Variants in XKR9 observed in about 807,000 individuals in gnomAD.
XKR9 encodes XK related 9.
XKR9 carries 32 observed loss-of-function variants against 32.0 expected under a neutral mutation model. The observed-to-expected ratio is 1.00, with a 90% CI of 0.76 to 1.34. The LOEUF is 1.34. XKR9 is among the 40% of genes most tolerant of loss of function. The pLI is 0.00. For missense variants in XKR9, 546 were observed against 429.7 expected (o/e 1.27, Z -2.39); for synonymous variants, 168 against 143.4 (o/e 1.17, Z -1.22).
chr8:70,936,879 ATATGT>A, the XKR9 span, among the ~76,000 whole-genome samples: 12 of 151,972 alleles, frequency 7.9e-5, no homozygotes, highest in African/African-American at 2.4e-4. Flanking sequence ...TTTTTCTTTG[ATATGT>A]TATGTTTTTT....
At chr8:70,704,230 TAA>T (rs1271279746) in intron 3 of XKR9, among the ~76,000 whole-genome samples, 4 of 151,996 alleles carry the variant, frequency 2.6e-5, no homozygotes. Context: ...AATAAATAAA[TAA>T]GTGAAACTGT....
At chr8:70,903,919 G>A in the XKR9 span, among the ~76,000 whole-genome samples, 2 of 152,202 alleles carry the variant, frequency 1.3e-5, no homozygotes, top group Admixed American at 1.3e-4. Flanking sequence ...TCAGTAGCAG[G>A]TTGTTCAGTT....
the XKR9 span, among the ~76,000 whole-genome samples, chr8:70,816,785 G>C: frequency 6.6e-6 from 1 of 152,100 alleles, no homozygotes; most frequent in East Asian, 1.9e-4. Context: ...TGATTGAATA[G>C]GCTTCATTCC....
the XKR9 span, among the ~76,000 whole-genome samples, chr8:70,816,501 A>G: frequency 2.6e-5 from 4 of 152,232 alleles, no homozygotes; most frequent in Non-Finnish European, 4.4e-5. Context: ...GTGTTCATCA[A>G]TGCAAGATTG....
At chr8:71,005,393 G>T in the XKR9 span, among the ~76,000 whole-genome samples, 1 of 151,096 alleles carries the variant, frequency 6.6e-6, no homozygotes, top group African/African-American at 2.4e-5. Flanking sequence ...CAGCTAATTT[G>T]TTGTATTTTT....
At chr8:70,897,670 A>G in the XKR9 span, among the ~76,000 whole-genome samples, 1 of 152,152 alleles carries the variant, frequency 6.6e-6, no homozygotes. Flanking sequence ...TGCCATTTGT[A>G]TATCTCTTTT....
chr8:70,711,221 T>C (rs1339750584), intron 4 of XKR9, among the ~76,000 whole-genome samples: 1 of 152,202 alleles, frequency 6.6e-6, no homozygotes, highest in Admixed American at 6.5e-5. Flanking sequence ...GTTTAGAGAT[T>C]TCTTAAAGAG....
At chr8:70,929,664 C>T in the XKR9 span, among the ~76,000 whole-genome samples, 1 of 152,190 alleles carries the variant, frequency 6.6e-6, no homozygotes. Flanking sequence ...TTGCTCTCAG[C>T]ATCTAGAGGC....
At chr8:70,690,588 A>G (rs892869312) in intron 3 of XKR9, among the ~76,000 whole-genome samples, 3 of 151,616 alleles carry the variant, frequency 2.0e-5, no homozygotes, top group Non-Finnish European at 2.9e-5. Flanking sequence ...AGCTCAGGCA[A>G]TCAGCCCACC....
chr8:71,026,042 T>G, the XKR9 span, among the ~76,000 whole-genome samples: 1 of 152,202 alleles, frequency 6.6e-6, no homozygotes, highest in Non-Finnish European at 1.5e-5. Flanking sequence ...TGACTTCATT[T>G]CTATTCACAC....
the XKR9 span, among the ~76,000 whole-genome samples, chr8:70,818,201 T>A: frequency 1.3e-4 from 20 of 152,042 alleles, no homozygotes; most frequent in African/African-American, 3.1e-4. Flanking sequence ...TATTTATTTT[T>A]TTTTTTGGTG....
chr8:70,967,065 C>CTTTTTTTTTTTTTT, the XKR9 span, among the ~76,000 whole-genome samples: 147 of 101,250 alleles, frequency 1.5e-3, 30 homozygotes, highest in African/African-American at 4.6e-3. Flanking sequence ...GATCTTGACT[C>CTTTTTTTTTTTTTT]TTTTTTTTTT....
intron 3 of XKR9, among the ~76,000 whole-genome samples, chr8:70,701,075 C>T (rs555881372): frequency 1.3e-5 from 2 of 152,286 alleles, no homozygotes; most frequent in South Asian, 4.1e-4. Context: ...CCCGATTTTC[C>T]AGGTGCCGTC....
At chr8:70,776,939 C>CTA (rs1472403970) in intron 2 of XKR9, among the ~76,000 whole-genome samples, 1 of 31,118 alleles carries the variant, frequency 3.2e-5, no homozygotes, top group Non-Finnish European at 6.4e-5. Flanking sequence ...CTCTCTCTCT[C>CTA]TCTCTCTCTA....
At chr8:70,756,908 C>A (rs931530984) in intron 2 of XKR9, among the ~76,000 whole-genome samples, 1 of 152,076 alleles carries the variant, frequency 6.6e-6, no homozygotes, top group Non-Finnish European at 1.5e-5. Context: ...GGGTGGACAT[C>A]CCTGTCTTGT....
the XKR9 span, among the ~76,000 whole-genome samples, chr8:70,853,356 T>A: frequency 6.6e-6 from 1 of 152,036 alleles, no homozygotes; most frequent in African/African-American, 2.4e-5. Flanking sequence ...TATCAAATTT[T>A]CCATGATATT....
At position 70,735,377 on chromosome 8, in the gene XKR9, T is replaced by G. The variant is rs1016726524; in HGVS notation, c.*953T>G. 6.6e-6 allele frequency: 1 copy of G among 151,878 alleles called. No individual in the cohort carries two copies. The highest frequency in any genetic ancestry group is 1.5e-5 in the Non-Finnish European group (1 of 67,978). The allele number at this position is 151,878 out of a possible 1,614,324, so 9.4% of individuals were successfully genotyped here. On this transcript the variant is annotated 3_prime_UTR_variant, in exon 5 of 5. Coordinates refer to ENST00000408926, the MANE Select transcript of XKR9 (RefSeq NM_001011720.2). The stretch of plus-strand genomic sequence containing the variant: ...CCCCCAGATTTCATGTGTGTGAAAC[T>G]TAATCTCCAAATTTGTATGTTGATG...
chr8:70,744,174 G>A (rs556941068), intron 2 of XKR9, among the ~76,000 whole-genome samples: 1 of 151,874 alleles, frequency 6.6e-6, no homozygotes, highest in African/African-American at 2.4e-5. Context: ...AGCTAGGTGT[G>A]GTAGCAGGCG....
downstream of XKR9, among the ~76,000 whole-genome samples, chr8:70,793,464 C>T (rs570713167): frequency 3.5e-4 from 54 of 152,204 alleles, no homozygotes; most frequent in Non-Finnish European, 6.9e-4. Context: ...CCATGTAATG[C>T]ACTTGGCCAT....
Sources: gnomAD v4.1 joint callset for allele counts (sites outside exome capture counted in the v4.1 genomes callset) on GRCh38, gnomAD v4.1.1 for gene constraint, MANE v1.5 for transcripts, NCBI Gene and HGNC (gene_info 2026-07-23, HGNC 2026-07-21) for gene names.